The following DCDC1 variants were observed in gnomAD, a reference collection of about 807,000 sequenced individuals.
The protein encoded by DCDC1 is doublecortin domain-containing protein 1.
Under a neutral mutation model 178.3 loss-of-function variants are expected in DCDC1, and 200 were observed. That is an observed-to-expected ratio of 1.12 (90% CI 1.00 to 1.26). The LOEUF (loss-of-function observed/expected upper bound fraction) is 1.26. DCDC1 is among the 50% of genes most tolerant of loss of function. DCDC1 has a pLI of 0.00. For synonymous variants in DCDC1, 690 were observed against 604.8 expected, an observed-to-expected ratio of 1.14 and a Z score of -2.07; for missense variants, 1,983 against 1,749.2, an observed-to-expected ratio of 1.13 and a Z score of -2.38.
chr11:31,326,823 A>T (rs118161202), intron 3 of DCDC1, among the ~76,000 whole-genome samples: 3,932 of 152,312 alleles, frequency 0.026, 84 homozygotes, highest in Middle Eastern at 0.061. Flanking sequence ...TCTTTAATTT[A>T]TGAATAATAT....
At chr11:31,230,504 C>T (rs1975632742) in intron 9 of DCDC1, among the ~76,000 whole-genome samples, 1 of 152,160 alleles carries the variant, frequency 6.6e-6, no homozygotes, top group South Asian at 2.1e-4. Flanking sequence ...CAAGCTAAGA[C>T]TGCAGTGTCC....
chr11:31,286,304 T>C (rs561079175), intron 7 of DCDC1, among the ~76,000 whole-genome samples: 8 of 152,200 alleles, frequency 5.3e-5, no homozygotes, highest in African/African-American at 1.9e-4. Flanking sequence ...CTACAGTAAG[T>C]ATATGACGCC....
intron 9 of DCDC1, among the ~76,000 whole-genome samples, chr11:31,238,322 T>C (rs1565481455): frequency 6.6e-6 from 1 of 152,108 alleles, no homozygotes; most frequent in African/African-American, 2.4e-5. Context: ...GACTGCCATA[T>C]TTTGTTTACT....
chr11:31,099,845 A>G (rs1026578669), intron 15 of DCDC1, among the ~76,000 whole-genome samples: 4 of 151,834 alleles, frequency 2.6e-5, no homozygotes, highest in African/African-American at 9.7e-5. Flanking sequence ...CAGCCTCCCA[A>G]GTAGCTGGGA....
intron 9 of DCDC1, among the ~76,000 whole-genome samples, chr11:31,151,204 C>G: frequency 6.6e-6 from 1 of 152,202 alleles, no homozygotes; most frequent in East Asian, 1.9e-4. Context: ...CCAGGCATGT[C>G]TAACTTCAGC....
intron 20 of DCDC1, among the ~76,000 whole-genome samples, chr11:31,013,308 A>T (rs1012556811): frequency 9.2e-5 from 14 of 152,204 alleles, no homozygotes; most frequent in Non-Finnish European, 1.8e-4. Flanking sequence ...TAATAAAGAC[A>T]TTATAAGTGG....
chr11:31,102,640 T>C (rs1470551478), intron 14 of DCDC1, among the ~76,000 whole-genome samples: 1 of 152,232 alleles, frequency 6.6e-6, no homozygotes, highest in Non-Finnish European at 1.5e-5. Flanking sequence ...TATAGCTAGG[T>C]GGGAACTTAT....
At chr11:31,247,974 A>G (rs1943694938) in intron 8 of DCDC1, among the ~76,000 whole-genome samples, 1 of 152,126 alleles carries the variant, frequency 6.6e-6, no homozygotes, top group Admixed American at 6.6e-5. Flanking sequence ...ACTGAGAATT[A>G]ACTATACCTA....
At chr11:31,305,205 G>T (rs2761593) in intron 6 of DCDC1, among the ~76,000 whole-genome samples, 102,983 of 151,954 alleles carry the variant, frequency 0.68, 35,531 homozygotes, top group African/African-American at 0.79. Context: ...GATACTATCT[G>T]AAAAAAGACC....
intron 6 of DCDC1, among the ~76,000 whole-genome samples, chr11:31,291,469 T>C (rs1304394871): frequency 6.6e-6 from 1 of 152,062 alleles, no homozygotes; most frequent in Non-Finnish European, 1.5e-5. Context: ...CAAAGCTGTG[T>C]GCAGAAATTT....
rs560230357 is a variant in DCDC1, at chr11:30,892,765, G to C, written c.5082+53C>G. ...TTGACCAAACAATCTAGAAATATCA[G>C]AGCTGGGATTCAAACTCAGGCCTAT... On this transcript the variant is annotated intron_variant, in intron 36 of 38. Coordinates refer to ENST00000684477, the MANE Select transcript of DCDC1 (RefSeq NM_001387274.1). 1.0e-5 allele frequency: 16 copies of C among 1,600,744 alleles called. 1 individual carries two copies. In the South Asian group the frequency reaches 1.2e-4, roughly 12 times the overall value.
At chr11:31,303,119 A>G (rs763300844) in intron 6 of DCDC1, among the ~76,000 whole-genome samples, 1 of 152,210 alleles carries the variant, frequency 6.6e-6, no homozygotes, top group Non-Finnish European at 1.5e-5. Context: ...TTTTGATTTA[A>G]TTGCATTAAA....
At chr11:31,328,931 A>G (rs537059877) in intron 2 of DCDC1, among the ~76,000 whole-genome samples, 1 of 145,506 alleles carries the variant, frequency 6.9e-6, no homozygotes, top group Non-Finnish European at 1.5e-5. Flanking sequence ...TTACTGAAAA[A>G]GCACACCACA....
intron 9 of DCDC1, among the ~76,000 whole-genome samples, chr11:31,149,547 G>A (rs373670133): frequency 1.3e-5 from 2 of 151,992 alleles, no homozygotes; most frequent in Non-Finnish European, 2.9e-5. Flanking sequence ...TGGCTTCCAC[G>A]CTGTGGAAGC....
Position 30,894,289 on chromosome 11 carries a change from G to C in DCDC1, c.4861C>G (p.Gln1621Glu), listed in dbSNP as rs774913165. ...VVEGGWTEQT[Q>E]QEIKLMELIR... Reference sequence around the variant, plus strand: ...AGTTCCATGAGTTTAATTTCCTGTTGAGTCTGTTCGGTCCAGCCTCCTTCA... The same window carrying C: ...AGTTCCATGAGTTTAATTTCCTGTTCAGTCTGTTCGGTCCAGCCTCCTTCA... The change falls in exon 35 of 39, where the codon CAA becomes GAA. Residue 1621 changes from glutamine to glutamate, a missense_variant. Physicochemically the swap from Gln to Glu is conservative, Grantham distance 29 (BLOSUM62 2). Transcript: ENST00000684477. The C allele has an allele frequency of 3.7e-6, 6 of 1,613,716 alleles. No individual in the cohort carries two copies. Among genetic ancestry groups the C allele is most frequent in the Non-Finnish European group, 4.2e-6 (5 of 1,179,770 alleles).
At chr11:31,043,334 T>C (rs191235985) in intron 20 of DCDC1, among the ~76,000 whole-genome samples, 41 of 152,328 alleles carry the variant, frequency 2.7e-4, no homozygotes, top group Admixed American at 5.2e-4. Context: ...CGTATGTATC[T>C]GAAATCTGAG....
chr11:30,915,553 G>A lies in DCDC1; in HGVS notation c.3611C>T (p.Ser1204Phe). 2.5e-6 allele frequency: 4 copies of A among 1,613,920 alleles called. No individual in the cohort carries two copies. In the East Asian group the frequency reaches 6.7e-5, roughly 27 times the overall value. Residue 1204 changes from serine to phenylalanine, a missense_variant, in exon 27 of 39, where the codon TCT (serine) becomes TTT (phenylalanine). By Grantham distance (155) the Ser-to-Phe change is radical. Coordinates refer to ENST00000684477, the MANE Select transcript of DCDC1 (RefSeq NM_001387274.1). ...GMEVVLVEKK[S>F]DGSHQRWIHQ... is the part of the protein sequence containing the mutation. ...TATCCAGCGCTGATGACTACCATCA[G>A]ATTTCTTCTCCACCAAAACCACCTC...
intron 20 of DCDC1, among the ~76,000 whole-genome samples, chr11:31,008,296 G>A: frequency 6.6e-6 from 1 of 152,124 alleles, no homozygotes; most frequent in East Asian, 1.9e-4. Flanking sequence ...GGGATGAGAA[G>A]TCTGAAAGAG....
chr11:30,929,174 G>T (rs1033161447), intron 22 of DCDC1, among the ~76,000 whole-genome samples: 2 of 152,056 alleles, frequency 1.3e-5, no homozygotes, highest in African/African-American at 4.8e-5. Flanking sequence ...CCTTAATCAT[G>T]TGGCTAACAA....
Sources: gnomAD v4.1 joint callset for allele counts (sites outside exome capture counted in the v4.1 genomes callset) on GRCh38, gnomAD v4.1.1 for gene constraint, MANE v1.5 for transcripts, NCBI Gene and HGNC (gene_info 2026-07-23, HGNC 2026-07-21) for gene names.